AKAP6: variants seen among roughly 807,000 people sequenced by gnomAD.
The protein encoded by AKAP6 is A-kinase anchor protein 6.
Under a neutral mutation model 188.5 loss-of-function variants are expected in AKAP6, and 58 were observed. That is an observed-to-expected ratio of 0.31 (90% CI 0.25 to 0.38). The LOEUF (loss-of-function observed/expected upper bound fraction) is 0.38, where lower values mean the gene tolerates loss of function less well. Ranked by LOEUF, AKAP6 falls within the 10% of genes least tolerant of loss-of-function variation. The probability of loss-of-function intolerance (pLI) is 1.00; values close to 1 mark genes in which losing one functional copy is unlikely to be tolerated. For synonymous variants in AKAP6, 989 were observed against 998.6 expected (o/e 0.99, Z 0.18); for missense variants, 2,710 against 2,740.0 (o/e 0.99, Z 0.24).
At chr14:32,736,225 T>G (rs544817089) in intron 11 of AKAP6, among the ~76,000 whole-genome samples, 2 of 152,272 alleles carry the variant, frequency 1.3e-5, no homozygotes, top group South Asian at 4.1e-4. Context: ...GTAAATAACT[T>G]GGATAAAAAT....
chr14:32,400,699 A>G (rs948635316), intron 1 of AKAP6, among the ~76,000 whole-genome samples: 1 of 152,068 alleles, frequency 6.6e-6, no homozygotes. Flanking sequence ...TTGAGAATCC[A>G]ACATCCATTC....
chr14:32,667,863 T>C (rs1286255612), intron 7 of AKAP6, among the ~76,000 whole-genome samples: 3 of 152,154 alleles, frequency 2.0e-5, no homozygotes, highest in Non-Finnish European at 2.9e-5. Context: ...AACTATTTTA[T>C]AGAATTTCAG....
chr14:32,776,981 G>A (rs933329767), intron 12 of AKAP6, among the ~76,000 whole-genome samples: 1 of 152,118 alleles, frequency 6.6e-6, no homozygotes, highest in Admixed American at 6.6e-5. Flanking sequence ...AAGGATTAGA[G>A]GGAACACTCC....
At chr14:32,577,668 G>A (rs1031230256) in intron 5 of AKAP6, among the ~76,000 whole-genome samples, 2 of 151,996 alleles carry the variant, frequency 1.3e-5, no homozygotes, top group South Asian at 4.2e-4. Context: ...TCTACACTGG[G>A]TTATTTTAAT....
chr14:32,391,708 T>C (rs1314670250), intron 1 of AKAP6, among the ~76,000 whole-genome samples: 2 of 152,208 alleles, frequency 1.3e-5, no homozygotes, highest in Non-Finnish European at 2.9e-5. Flanking sequence ...GCTTCTGTTC[T>C]GGCCATGTAA....
chr14:32,597,536 A>G (rs140789670), intron 5 of AKAP6, among the ~76,000 whole-genome samples: 4 of 152,306 alleles, frequency 2.6e-5, no homozygotes, highest in Non-Finnish European at 4.4e-5. Flanking sequence ...AAAATAACAA[A>G]CATTTAATTT....
chr14:32,629,117 A>C (rs1358844348), intron 7 of AKAP6, among the ~76,000 whole-genome samples: 1 of 152,066 alleles, frequency 6.6e-6, no homozygotes, highest in African/African-American at 2.4e-5. Flanking sequence ...ACAAGGAAGG[A>C]GCTGGGGTAG....
chr14:32,597,089 C>T (rs1885735802), intron 5 of AKAP6, among the ~76,000 whole-genome samples: 1 of 152,176 alleles, frequency 6.6e-6, no homozygotes, highest in Admixed American at 6.5e-5. Context: ...ATGAATACCT[C>T]ATCTTTTCCA....
chr14:32,515,701 T>C (rs186384441), intron 2 of AKAP6, among the ~76,000 whole-genome samples: 166 of 152,288 alleles, frequency 1.1e-3, no homozygotes, highest in Non-Finnish European at 1.7e-3. Context: ...CTCTGATGCC[T>C]AGCGTGATGC....
At chr14:32,416,667 G>A (rs888920700) in intron 1 of AKAP6, among the ~76,000 whole-genome samples, 1 of 152,194 alleles carries the variant, frequency 6.6e-6, no homozygotes, top group South Asian at 2.1e-4. Flanking sequence ...TGATTCTCCT[G>A]CCTCAGCCTC....
At chr14:32,425,369 G>A (rs1392656583) in intron 1 of AKAP6, among the ~76,000 whole-genome samples, 1 of 152,020 alleles carries the variant, frequency 6.6e-6, no homozygotes, top group East Asian at 1.9e-4. Flanking sequence ...AGTCAAGGTG[G>A]GCCAATAGCT....
In AKAP6 at chr14:32,678,230, C is replaced by T. The variant is rs528145815; in HGVS notation, c.2731-81C>T. On this transcript the variant is annotated intron_variant, in intron 7 of 13. Coordinates refer to ENST00000280979, the MANE Select transcript of AKAP6 (RefSeq NM_004274.5). ...GCACTATAATGATGTGAAGAATTCC[C>T]ATTCTTTGAGTTGTTACACCTCACT... 39 of 1,425,986 alleles carry T rather than the reference C, an allele frequency of 2.7e-5. 1 individual carries two copies. In the South Asian group the frequency reaches 5.0e-4, roughly 18 times the overall value. The allele number at this position is 1,425,986 out of a possible 1,614,324, so 88.3% of individuals were successfully genotyped here. A position where few individuals can be genotyped will look rare whatever the true frequency, so the allele number is the denominator to read the frequency against.
At chr14:32,761,922 A>G (rs1478745284) in intron 11 of AKAP6, among the ~76,000 whole-genome samples, 1 of 152,106 alleles carries the variant, frequency 6.6e-6, no homozygotes, top group African/African-American at 2.4e-5. Context: ...GCCTTCATCC[A>G]TTCCCCAGAA....
At chr14:32,397,648 A>G (rs977927693) in intron 1 of AKAP6, among the ~76,000 whole-genome samples, 2 of 152,172 alleles carry the variant, frequency 1.3e-5, no homozygotes, top group African/African-American at 2.4e-5. Context: ...TAAGCACACT[A>G]TAGGCACTCA....
At chr14:32,432,867 C>G (rs969605206) in intron 1 of AKAP6, among the ~76,000 whole-genome samples, 1 of 152,196 alleles carries the variant, frequency 6.6e-6, no homozygotes, top group African/African-American at 2.4e-5. Flanking sequence ...GGTACGGTAG[C>G]TCCTCCGGTA....
intron 4 of AKAP6, among the ~76,000 whole-genome samples, chr14:32,570,101 C>T (rs1884407827): frequency 1.3e-5 from 2 of 150,458 alleles, no homozygotes; most frequent in Non-Finnish European, 3.0e-5. Context: ...GCTGCCACCC[C>T]CTATATTGTG....
chr14:32,414,143 A>AG (rs1889580423), intron 1 of AKAP6, among the ~76,000 whole-genome samples: 2 of 152,150 alleles, frequency 1.3e-5, no homozygotes, highest in South Asian at 4.2e-4. Context: ...GGGACTGCTG[A>AG]GGTCAAAGGT....
rs78902000 is a variant in AKAP6 at position 32,642,911 on chromosome 14, A to G, written c.2731-35400A>G. On this transcript the variant is annotated intron_variant, in intron 7 of 13. Transcript: ENST00000280979. ...AGTATATCAGTATTAATACTGTACC[A>G]TGGGAATACCATATGACAAGGAAAT... Among the ~76,000 whole-genome samples the G allele has an allele frequency of 9.6e-3, 1,467 of 152,292 alleles. 23 individuals carry two copies. The highest frequency in any genetic ancestry group is 0.034 in the African/African-American group (1,400 of 41,570).
chr14:32,564,784 T>G (rs1884114221), intron 4 of AKAP6, among the ~76,000 whole-genome samples: 1 of 152,220 alleles, frequency 6.6e-6, no homozygotes, highest in African/African-American at 2.4e-5. Flanking sequence ...ACATCCTGTC[T>G]CCTGGTTATT....
Sources: allele counts gnomAD v4.1 joint callset (sites outside exome capture counted in the v4.1 genomes callset), GRCh38; gene constraint gnomAD v4.1.1; transcripts MANE v1.5; gene names NCBI Gene and HGNC (gene_info 2026-07-23, HGNC 2026-07-21).